Variants in LGR6 observed in about 807,000 individuals in gnomAD.
The protein encoded by LGR6 is leucine rich repeat containing G protein-coupled receptor 6.
In LGR6, 45 loss-of-function variants were observed where a neutral mutation model predicts 69.4. That is an observed-to-expected ratio of 0.65 (90% CI 0.51 to 0.83). The LOEUF (loss-of-function observed/expected upper bound fraction) is 0.83. Among genes scored for constraint, LGR6 ranks in the 40% least tolerant of loss-of-function variants. The pLI, the probability that LGR6 is intolerant of heterozygous loss-of-function variation, is 0.00. For synonymous variants in LGR6, 538 were observed against 555.0 expected, an observed-to-expected ratio of 0.97 and a Z score of 0.43; for missense variants, 1,108 against 1,246.7, an observed-to-expected ratio of 0.89 and a Z score of 1.68.
At chr1:202,254,621 T>G (rs1446649430) in intron 4 of LGR6, among the ~76,000 whole-genome samples, 14 of 152,226 alleles carry the variant, frequency 9.2e-5, no homozygotes, top group Admixed American at 9.2e-4. Flanking sequence ...AAATAAGGGC[T>G]GTGAGACATG....
At chr1:202,284,871 C>G (rs1178053201) in intron 6 of LGR6, among the ~76,000 whole-genome samples, 1 of 152,238 alleles carries the variant, frequency 6.6e-6, no homozygotes, top group Non-Finnish European at 1.5e-5. Flanking sequence ...TCTCACCTCT[C>G]TTGGGCCTGG....
chr1:202,315,122 G>A (rs1345206094), intron 17 of LGR6, among the ~76,000 whole-genome samples: 1 of 152,226 alleles, frequency 6.6e-6, no homozygotes, highest in Non-Finnish European at 1.5e-5. Flanking sequence ...CAGCCAATTA[G>A]CATTTATGCA....
intron 4 of LGR6, among the ~76,000 whole-genome samples, chr1:202,240,251 G>C (rs1244430105): frequency 6.6e-6 from 1 of 151,924 alleles, no homozygotes; most frequent in African/African-American, 2.4e-5. Context: ...GTGGGTGCCT[G>C]TAATCCCAGC....
chr1:202,287,079 G>A (rs1328188671), intron 6 of LGR6, among the ~76,000 whole-genome samples: 1 of 152,210 alleles, frequency 6.6e-6, no homozygotes, highest in Non-Finnish European at 1.5e-5. Flanking sequence ...TTCCGTAGTA[G>A]ATGTAATGGA....
intron 4 of LGR6, among the ~76,000 whole-genome samples, chr1:202,252,779 G>T (rs113964820): frequency 3.3e-5 from 5 of 152,226 alleles, no homozygotes; most frequent in African/African-American, 9.7e-5. Context: ...ATGGCAGATG[G>T]GTATGCTTCC....
At chr1:202,231,409 T>A (rs953527492) in intron 3 of LGR6, among the ~76,000 whole-genome samples, 2 of 152,140 alleles carry the variant, frequency 1.3e-5, no homozygotes, top group Non-Finnish European at 2.9e-5. Flanking sequence ...CCTCTCTGAG[T>A]CACCCCTGTA....
intron 7 of LGR6, among the ~76,000 whole-genome samples, chr1:202,299,259 CAA>C (rs940683421): frequency 3.7e-4 from 25 of 67,096 alleles, no homozygotes; most frequent in Admixed American, 7.0e-4. Context: ...GACTCTGTCT[CAA>C]AAAAAAAAAA....
At chr1:202,310,142 G>T in intron 15 of LGR6, 55 bp from the exon 16 acceptor site, 8 of 1,593,858 alleles carry the variant, frequency 5.0e-6, no homozygotes, top group Non-Finnish European at 6.9e-6. Flanking sequence ...TCAGACTTAG[G>T]TCTTAGACCC....
chr1:202,240,929 G>A lies in LGR6; in HGVS notation c.428+4936G>A, dbSNP rs1348703228. 7.9e-5 allele frequency among the ~76,000 whole-genome samples: 12 copies of A among 152,160 alleles called. No homozygotes were observed. The East Asian group carries it at 1.2e-3, about 15-fold the overall frequency. On this transcript the variant is annotated intron_variant, in intron 4 of 17. Transcript: ENST00000367278. ...CCTAAAGCTACATGAGATGTTCTAC[G>A]TATATTGTCTGATTATTCCTCACAG...
chr1:202,307,468 A>T (rs961209911), intron 14 of LGR6, 67 bp downstream of exon 14: 16 of 1,435,750 alleles, frequency 1.1e-5, no homozygotes, highest in Non-Finnish European at 1.5e-5. Flanking sequence ...TGGCCAATGG[A>T]GGCAGAAGGG....
chr1:202,207,618 G>A (rs1232064250), intron 1 of LGR6, among the ~76,000 whole-genome samples: 1 of 152,150 alleles, frequency 6.6e-6, no homozygotes, highest in African/African-American at 2.4e-5. Context: ...TATAAATCTA[G>A]CAGAGTGGGT....
At chr1:202,211,831 G>A (rs1004300917) in intron 1 of LGR6, among the ~76,000 whole-genome samples, 4 of 152,126 alleles carry the variant, frequency 2.6e-5, no homozygotes, top group Admixed American at 2.6e-4. Context: ...CATGCCCTCT[G>A]CTGGTCACTA....
At chr1:202,267,090 T>C (rs1294582826) in intron 4 of LGR6, among the ~76,000 whole-genome samples, 2 of 152,326 alleles carry the variant, frequency 1.3e-5, no homozygotes, top group East Asian at 3.9e-4. Context: ...AAATTTAAAA[T>C]GCGGTTCCTC....
rs3221675 is a variant in LGR6, at chr1:202,214,990, GGTGT to G, written c.213-10405_213-10402del. Among the ~76,000 whole-genome samples the G allele has an allele frequency of 6.4e-3, 930 of 145,598 alleles. 7 individuals carry two copies. Among genetic ancestry groups the G allele is most frequent in the South Asian group, 0.019 (88 of 4,520 alleles). ...GGTAAATGGTGTTTGGGTGCACCTG[GGTGT>G]GTGTGTGTGTGTGTGTGTGTGTGTG... On this transcript the variant is annotated intron_variant, in intron 1 of 17. Transcript: ENST00000367278.
At position 202,247,383 on chromosome 1, in the gene LGR6, G is replaced by A. The variant is rs146414100; in HGVS notation, c.428+11390G>A. 3.3e-4 allele frequency among the ~76,000 whole-genome samples: 50 copies of A among 152,278 alleles called. 1 individual carries two copies. In the East Asian group the frequency reaches 7.9e-3, roughly 24 times the overall value. Reference sequence around the variant, plus strand: ...CTGTTCTTTTGTTCAGGAGCTTCTGGGACATTCTGCGCCCTCTCCCAACCT... The same window carrying A: ...CTGTTCTTTTGTTCAGGAGCTTCTGAGACATTCTGCGCCCTCTCCCAACCT... On this transcript the variant is annotated intron_variant, in intron 4 of 17. Coordinates refer to ENST00000367278, the MANE Select transcript of LGR6 (RefSeq NM_001017403.2).
intron 5 of LGR6, among the ~76,000 whole-genome samples, chr1:202,277,615 G>A (rs1162893170): frequency 6.6e-6 from 1 of 152,134 alleles, no homozygotes; most frequent in East Asian, 1.9e-4. Flanking sequence ...AGGTGGATAA[G>A]AAGGAGCAGG....
chr1:202,259,402 T>C (rs888259256), intron 4 of LGR6, among the ~76,000 whole-genome samples: 1 of 152,248 alleles, frequency 6.6e-6, no homozygotes, highest in African/African-American at 2.4e-5. Context: ...AACCTGTGTT[T>C]GAAGAGCAAA....
chr1:202,204,427 CCAAACACACACACACACCTCCA>C (rs1658972385), intron 1 of LGR6, among the ~76,000 whole-genome samples: 1 of 96,582 alleles, frequency 1.0e-5, no homozygotes, highest in Non-Finnish European at 2.2e-5. Context: ...ACACACACCT[CCAAACACACACACACACCTCCA>C]CACACACACA....
intron 4 of LGR6, among the ~76,000 whole-genome samples, chr1:202,242,066 G>A (rs968332715): frequency 5.9e-5 from 9 of 152,196 alleles, no homozygotes; most frequent in Non-Finnish European, 1.0e-4. Context: ...CTCGTGGGCC[G>A]GGGAAGGCAG....
Sources: gnomAD v4.1 joint callset for allele counts (sites outside exome capture counted in the v4.1 genomes callset) on GRCh38, gnomAD v4.1.1 for gene constraint, MANE v1.5 for transcripts, NCBI Gene and HGNC (gene_info 2026-07-23, HGNC 2026-07-21) for gene names.